Variants in SPON1 observed in about 807,000 individuals in gnomAD.
The protein encoded by SPON1 is spondin-1.
A neutral mutation model predicts 111.7 loss-of-function variants in SPON1; 52 were observed. The observed-to-expected ratio is 0.47, with a 90% CI of 0.37 to 0.59. SPON1 has a LOEUF of 0.59. Ranked by LOEUF, SPON1 falls within the 20% of genes least tolerant of loss-of-function variation. SPON1 has a pLI of 0.00. For missense variants in SPON1, 957 were observed against 1,068.5 expected (o/e 0.90, Z 1.46); for synonymous variants, 410 against 395.8 (o/e 1.04, Z -0.43).
chr11:14,161,541 A>T (rs1028314384), intron 6 of SPON1, among the ~76,000 whole-genome samples: 11 of 151,086 alleles, frequency 7.3e-5, no homozygotes, highest in Admixed American at 6.6e-4. Flanking sequence ...CTGGTCTCAA[A>T]CTCCTGACCT....
intron 1 of SPON1, among the ~76,000 whole-genome samples, chr11:13,964,482 C>T (rs1380555553): frequency 1.3e-5 from 2 of 152,222 alleles, no homozygotes; most frequent in Non-Finnish European, 1.5e-5. Context: ...AGGGGCCACC[C>T]TTCTTGGAGC....
intron 6 of SPON1, among the ~76,000 whole-genome samples, chr11:14,235,678 C>CAAAAAAAAAAAAAAAAAAAA (rs56925967): frequency 2.8e-5 from 2 of 71,388 alleles, no homozygotes; most frequent in African/African-American, 5.6e-5. Flanking sequence ...GACCCTGCCT[C>CAAAAAAAAAAAAAAAAAAAA]AAAAAAAAAA....
chr11:14,037,563 C>A (rs1269468649), intron 2 of SPON1, among the ~76,000 whole-genome samples: 1 of 149,792 alleles, frequency 6.7e-6, no homozygotes, highest in African/African-American at 2.4e-5. Flanking sequence ...AGACCTTACA[C>A]CCCTCACAAA....
At chr11:14,188,144 G>A (rs1848306904) in intron 6 of SPON1, among the ~76,000 whole-genome samples, 1 of 152,078 alleles carries the variant, frequency 6.6e-6, no homozygotes, top group African/African-American at 2.4e-5. Flanking sequence ...CTGACCTCAG[G>A]TGACCCACCC....
At chr11:14,198,016 A>G (rs1349976728) in intron 6 of SPON1, among the ~76,000 whole-genome samples, 1 of 152,154 alleles carries the variant, frequency 6.6e-6, no homozygotes, top group East Asian at 1.9e-4. Context: ...TTAGCATCAT[A>G]AGCCTCCTAA....
In SPON1 at chr11:13,963,141, CG is replaced by C; in HGVS notation, c.238+1del. The C allele has an allele frequency of 6.7e-7, 1 of 1,497,654 alleles. No individual in the cohort carries two copies. Among genetic ancestry groups the C allele is most frequent in the Non-Finnish European group, 8.9e-7 (1 of 1,119,392 alleles). The allele number at this position is 1,497,654 out of a possible 1,614,324, so 92.8% of individuals were successfully genotyped here. A position where few individuals can be genotyped will look rare whatever the true frequency, so the allele number is the denominator to read the frequency against. Reference protein sequence around the residue: ...DFYKPGTSYRVTLSAAPPSYF... With the variant: ...DFYKPGTSYRXTLSAAPPSYF... ...TCTACAAGCCGGGAACCAGCTACCGCGGTAAGTGGCCGCCCGGCGTGGCATT... is the reference window on the plus strand; with the variant it reads ...TCTACAAGCCGGGAACCAGCTACCGCGTAAGTGGCCGCCCGGCGTGGCATT... On this transcript the variant is annotated frameshift_variant and splice_region_variant, in exon 1 of 16. Coordinates refer to ENST00000576479, the MANE Select transcript of SPON1 (RefSeq NM_006108.4). LOFTEE classifies it high-confidence loss of function.
At chr11:14,090,575 G>T (rs1370128532) in intron 5 of SPON1, among the ~76,000 whole-genome samples, 1 of 152,070 alleles carries the variant, frequency 6.6e-6, no homozygotes, top group African/African-American at 2.4e-5. Flanking sequence ...TGTGGTGAGT[G>T]TTACAGCTCT....
chr11:14,248,801 A>G (rs1473585000), intron 7 of SPON1, among the ~76,000 whole-genome samples: 1 of 152,168 alleles, frequency 6.6e-6, no homozygotes, highest in Non-Finnish European at 1.5e-5. Context: ...TTGTTTTTCA[A>G]TGATCTGCAT....
chr11:13,972,968 C>T (rs1848075002), intron 1 of SPON1, among the ~76,000 whole-genome samples: 1 of 152,094 alleles, frequency 6.6e-6, no homozygotes, highest in Non-Finnish European at 1.5e-5. Flanking sequence ...TCCCCCGTTC[C>T]CTCCTTCGCT....
chr11:14,175,813 C>T lies in SPON1; in HGVS notation c.825+40245C>T, dbSNP rs185586594. On this transcript the variant is annotated intron_variant, in intron 6 of 15. Coordinates refer to ENST00000576479, the MANE Select transcript of SPON1 (RefSeq NM_006108.4). ...ATAGCTGGGGATTCAAGCCACTTTA[C>T]AAGAGAAAATTACCCTTTACTGTCT... 3.2e-3 allele frequency among the ~76,000 whole-genome samples: 493 copies of T among 152,276 alleles called. 1 individual carries two copies. Among genetic ancestry groups the T allele is most frequent in the African/African-American group, 0.011 (466 of 41,542 alleles).
chr11:14,174,270 A>G (rs1305005355), intron 6 of SPON1, among the ~76,000 whole-genome samples: 1 of 152,144 alleles, frequency 6.6e-6, no homozygotes, highest in Non-Finnish European at 1.5e-5. Context: ...AGGGAGTCTC[A>G]TCTCCCATTT....
intron 6 of SPON1, among the ~76,000 whole-genome samples, chr11:14,144,158 CTTA>C (rs1192142655): frequency 1.3e-5 from 2 of 152,160 alleles, no homozygotes; most frequent in South Asian, 2.1e-4. Context: ...CATTATTACT[CTTA>C]TTATTGCAAC....
chr11:14,197,549 C>T (rs1035873176), intron 6 of SPON1, among the ~76,000 whole-genome samples: 1 of 151,304 alleles, frequency 6.6e-6, no homozygotes, highest in Non-Finnish European at 1.5e-5. Flanking sequence ...CATGGTGGCT[C>T]ACGCCTGTAA....
At chr11:14,262,355 T>G in intron 14 of SPON1, 1 of 242,464 alleles carries the variant, frequency 4.1e-6, no homozygotes, top group Non-Finnish European at 8.2e-6. Context: ...ATATCACCAG[T>G]GAGTTTGGGA....
chr11:14,019,750 T>C (rs1349474567), intron 2 of SPON1, among the ~76,000 whole-genome samples: 1 of 152,188 alleles, frequency 6.6e-6, no homozygotes, highest in African/African-American at 2.4e-5. Flanking sequence ...ACTCAGCCTT[T>C]CTCTTCTATT....
chr11:14,100,910 A>C (rs1261706157), intron 5 of SPON1, among the ~76,000 whole-genome samples: 1 of 152,168 alleles, frequency 6.6e-6, no homozygotes, highest in African/African-American at 2.4e-5. Context: ...TCCATTGTCC[A>C]GTGTGTCCTT....
intron 6 of SPON1, among the ~76,000 whole-genome samples, chr11:14,211,134 A>G (rs1217595546): frequency 7.9e-5 from 12 of 152,048 alleles, no homozygotes; most frequent in African/African-American, 2.9e-4. Flanking sequence ...GGCCAGGGCA[A>G]TCAGGCAAGA....
At chr11:14,006,690 C>T (rs1284241406) in intron 2 of SPON1, among the ~76,000 whole-genome samples, 1 of 152,196 alleles carries the variant, frequency 6.6e-6, no homozygotes, top group Non-Finnish European at 1.5e-5. Context: ...AGTAACACTT[C>T]TGCCATAGCC....
chr11:13,996,002 A>G (rs1287792915), intron 2 of SPON1, among the ~76,000 whole-genome samples: 2 of 152,244 alleles, frequency 1.3e-5, no homozygotes, highest in Non-Finnish European at 2.9e-5. Flanking sequence ...CCTTTGAGCT[A>G]TCTCTTAGAG....
Sources: gnomAD v4.1 joint callset for allele counts (sites outside exome capture counted in the v4.1 genomes callset) on GRCh38, gnomAD v4.1.1 for gene constraint, MANE v1.5 for transcripts, NCBI Gene and HGNC (gene_info 2026-07-23, HGNC 2026-07-21) for gene names.